MARK3: variants seen among roughly 807,000 people sequenced by gnomAD.
MARK3 encodes microtubule affinity regulating kinase 3.
Under a neutral mutation model 90.1 loss-of-function variants are expected in MARK3, and 46 were observed. That is an observed-to-expected ratio of 0.51 (90% CI 0.40 to 0.65). The LOEUF is 0.65. MARK3 is among the 30% of genes least tolerant of loss of function. The probability of loss-of-function intolerance (pLI) is 0.00; values close to 1 mark genes in which losing one functional copy is unlikely to be tolerated. For synonymous variants in MARK3, 321 were observed against 332.6 expected (o/e 0.97, Z 0.38); for missense variants, 818 against 947.2 (o/e 0.86, Z 1.79).
At chr14:103,429,564 T>G (rs2092516763) in intron 3 of MARK3, among the ~76,000 whole-genome samples, 1 of 152,144 alleles carries the variant, frequency 6.6e-6, no homozygotes, top group Non-Finnish European at 1.5e-5. Context: ...GAGATAGACT[T>G]TCTCTGCACT....
chr14:103,420,189 A>C (rs1366081111), intron 2 of MARK3, among the ~76,000 whole-genome samples: 2 of 152,146 alleles, frequency 1.3e-5, no homozygotes, highest in African/African-American at 4.8e-5. Flanking sequence ...TATAAGCCTA[A>C]TCCCTATATA....
chr14:103,478,603 G>A (rs1251319129), intron 13 of MARK3, among the ~76,000 whole-genome samples: 2 of 148,102 alleles, frequency 1.4e-5, no homozygotes, highest in Non-Finnish European at 3.0e-5. Flanking sequence ...GCAATGGCAC[G>A]ATCTTGGCTC....
chr14:103,480,523 G>A, intron 14 of MARK3, 33 bp downstream of exon 14: 1 of 1,388,592 alleles, frequency 7.2e-7, no homozygotes, highest in South Asian at 1.2e-5. Context: ...AAGAAAAGTT[G>A]TTTTTCCCAA....
intron 1 of MARK3, among the ~76,000 whole-genome samples, chr14:103,404,785 A>G (rs1226552296): frequency 6.6e-6 from 1 of 152,194 alleles, no homozygotes; most frequent in African/African-American, 2.4e-5. Flanking sequence ...AAAGTTAAGC[A>G]CTGTATAACC....
intron 2 of MARK3, among the ~76,000 whole-genome samples, chr14:103,413,133 C>A (rs1240691917): frequency 6.6e-6 from 1 of 152,176 alleles, no homozygotes; most frequent in African/African-American, 2.4e-5. Flanking sequence ...CTCGGCCTCC[C>A]AAAGTGCTGG....
intron 3 of MARK3, among the ~76,000 whole-genome samples, chr14:103,431,768 G>T (rs1454781526): frequency 6.6e-6 from 1 of 152,108 alleles, no homozygotes; most frequent in African/African-American, 2.4e-5. Context: ...CTTCAGACTA[G>T]CATCTGTCTT....
rs1326412874 is a variant in MARK3, at chr14:103,403,366, GTGTGTGTA to G, written c.52-1709_52-1702del. Among the ~76,000 whole-genome samples, 2 of 140,728 alleles carry G rather than the reference GTGTGTGTA, an allele frequency of 1.4e-5. 1 individual carries two copies. Among genetic ancestry groups the G allele is most frequent in the African/African-American group, 5.6e-5 (2 of 36,004 alleles). 92.3% of individuals were successfully genotyped at this position (140,728 alleles called of 152,430 possible). A position where few individuals can be genotyped will look rare whatever the true frequency, so the allele number is the denominator to read the frequency against. On this transcript the variant is annotated intron_variant, in intron 1 of 17. Coordinates refer to ENST00000429436, the MANE Select transcript of MARK3 (RefSeq NM_001128918.3). ...TGTGTGTGTGTGTGTGTGTGTGTGT[GTGTGTGTA>G]ACTCAGTAAATATTCAATGAATGAA... is the stretch of plus-strand genomic sequence containing the variant.
chr14:103,427,510 A>AAAAAAAAAAAAAAAAAAAAAAAAAG (rs1555381307), intron 2 of MARK3, among the ~76,000 whole-genome samples: 1 of 150,966 alleles, frequency 6.6e-6, no homozygotes, highest in African/African-American at 2.4e-5. Flanking sequence ...AAAAAAAAAA[A>AAAAAAAAAAAAAAAAAAAAAAAAAG]AAAGAAACAA....
rs2140401232 is a variant in MARK3 at position 103,386,070 on chromosome 14, A to G, written c.41A>G (p.Asp14Gly). The change falls in exon 1 of 18, where the codon GAC becomes GGC. Residue 14 changes from aspartate to glycine, a missense_variant. Asp to Gly is a moderately conservative substitution (Grantham distance 94). Around this residue, in one of 3 missense-constraint regions of MARK3, gnomAD observed 157 missense variants for 158.7 expected, o/e 0.99. Coordinates refer to ENST00000429436, the MANE Select transcript of MARK3 (RefSeq NM_001128918.3). ...RTPLPTVNER[D>G]TENHTSHGDG... ...CCATTGCCAACGGTGAATGAACGAG[A>G]CACTGAAAACGTAAGTAACCTGGGC... is the stretch of plus-strand genomic sequence containing the variant. 1.9e-6 allele frequency: 3 copies of G among 1,614,204 alleles called. No homozygotes were observed. Among genetic ancestry groups the G allele is most frequent in the South Asian group, 2.2e-5 (2 of 91,088 alleles).
chr14:103,429,821 C>CT (rs1451239682), intron 3 of MARK3, among the ~76,000 whole-genome samples: 1 of 152,138 alleles, frequency 6.6e-6, no homozygotes, highest in East Asian at 1.9e-4. Flanking sequence ...AATGAGGACT[C>CT]TAATTGAGTA....
chr14:103,426,941 A>AT (rs2141021469), intron 2 of MARK3, among the ~76,000 whole-genome samples: 1 of 151,902 alleles, frequency 6.6e-6, no homozygotes, highest in Admixed American at 6.6e-5. Flanking sequence ...ATACCCACCT[A>AT]TTTGTATGCT....
chr14:103,458,775 C>A, intron 6 of MARK3: 1 of 726,012 alleles, frequency 1.4e-6, no homozygotes, highest in South Asian at 1.5e-5. Context: ...CTTTGATTTG[C>A]TTAGTCTGAT....
rs1257896758 is a variant in MARK3 at position 103,462,388 on chromosome 14, G to C, written c.484-17G>C. On this transcript the variant is annotated splice_polypyrimidine_tract_variant and intron_variant, in intron 6 of 17. Transcript: ENST00000429436. ...ATCTGCACCAGTGATGACTGACTCTGCGTCTCTCCTATTCAGATTGTGTCT... is the reference window on the plus strand; with the variant it reads ...ATCTGCACCAGTGATGACTGACTCTCCGTCTCTCCTATTCAGATTGTGTCT... 1.9e-6 allele frequency: 3 copies of C among 1,581,598 alleles called. No homozygotes were observed. Among genetic ancestry groups the C allele is most frequent in the Non-Finnish European group, 2.6e-6 (3 of 1,153,474 alleles).
chr14:103,448,909 T>G lies in MARK3; in HGVS notation c.298-10T>G, dbSNP rs201809779. On this transcript the variant is annotated splice_polypyrimidine_tract_variant and intron_variant, in intron 3 of 17. Transcript: ENST00000429436. Reference sequence around the variant, plus strand: ...GGGGGATTATGTGTTTTGTTTGTTTTTTTTTTTAGCTCTTCAGAGAAGTAA... The same window carrying G: ...GGGGGATTATGTGTTTTGTTTGTTTGTTTTTTTAGCTCTTCAGAGAAGTAA... 2.6e-4 allele frequency: 406 copies of G among 1,557,150 alleles called. No individual in the cohort carries two copies. Among genetic ancestry groups the G allele is most frequent in the East Asian group, 3.2e-4 (14 of 43,880 alleles).
chr14:103,418,506 G>A (rs1953041711), intron 2 of MARK3, among the ~76,000 whole-genome samples: 1 of 152,048 alleles, frequency 6.6e-6, no homozygotes, highest in South Asian at 2.1e-4. Context: ...AGATTTCTGA[G>A]AGTATCCAGT....
chr14:103,419,388 A>C (rs1305120095), intron 2 of MARK3, among the ~76,000 whole-genome samples: 1 of 152,254 alleles, frequency 6.6e-6, no homozygotes, highest in East Asian at 1.9e-4. Context: ...GTTATTACTT[A>C]GGAAACTTAA....
At chr14:103,393,295 C>T (rs899426314) in intron 1 of MARK3, among the ~76,000 whole-genome samples, 15 of 152,152 alleles carry the variant, frequency 9.9e-5, no homozygotes, top group East Asian at 5.8e-4. Context: ...GCTTAATCAG[C>T]TTGTCAACTT....
At chr14:103,427,508 A>AAAAAAG (rs2092448608) in intron 2 of MARK3, among the ~76,000 whole-genome samples, 1 of 151,194 alleles carries the variant, frequency 6.6e-6, no homozygotes, top group Non-Finnish European at 1.5e-5. Context: ...AAAAAAAAAA[A>AAAAAAG]AAAAAGAAAC....
intron 3 of MARK3, among the ~76,000 whole-genome samples, chr14:103,443,826 G>C (rs578235025): frequency 4.6e-5 from 7 of 152,170 alleles, no homozygotes; most frequent in Non-Finnish European, 7.4e-5. Context: ...AACTTTGCCA[G>C]CCTCTCTGTC....
Sources: gnomAD v4.1 joint callset for allele counts (sites outside exome capture counted in the v4.1 genomes callset) on GRCh38, gnomAD v4.1.1 for gene constraint, gnomAD v4.1.1 regional missense constraint, MANE v1.5 for transcripts, NCBI Gene and HGNC (gene_info 2026-07-23, HGNC 2026-07-21) for gene names.